Variants in AKR1B15 observed in about 807,000 individuals in gnomAD.
AKR1B15 encodes the protein estradiol 17-beta-dehydrogenase AKR1B15.
In AKR1B15, 49 loss-of-function variants were observed where a neutral mutation model predicts 38.5. That is an observed-to-expected ratio of 1.27 (90% CI 1.01 to 1.62). The LOEUF (loss-of-function observed/expected upper bound fraction) is 1.62, where lower values mean the gene tolerates loss of function less well. Among genes scored for constraint, AKR1B15 ranks in the 40% most tolerant of loss-of-function variants. AKR1B15 has a pLI of 0.00. For synonymous variants in AKR1B15, 137 were observed against 135.5 expected (o/e 1.01, Z -0.08); for missense variants, 411 against 381.6 (o/e 1.08, Z -0.64).
intron 11 of AKR1B15, 125 bp downstream of exon 11, chr7:134,577,911 T>A: frequency 1.8e-6 from 2 of 1,138,964 alleles, no homozygotes; most frequent in Non-Finnish European, 2.5e-6. Flanking sequence ...TGGGGCAGTT[T>A]TGAAAGTTAA....
At chr7:134,564,012 GACAGGCA>G (rs1194841496) in intron 2 of AKR1B15, among the ~76,000 whole-genome samples, 4 of 152,096 alleles carry the variant, frequency 2.6e-5, no homozygotes, top group African/African-American at 9.7e-5. Flanking sequence ...CGACCAACTG[GACAGGCA>G]CCTGCAACCT....
chr7:134,555,641 A>T (rs1482028669), intron 1 of AKR1B15, among the ~76,000 whole-genome samples: 1 of 152,010 alleles, frequency 6.6e-6, no homozygotes, highest in East Asian at 1.9e-4. Context: ...CCCTCCAAGG[A>T]AGTCTCTTTT....
intron 2 of AKR1B15, among the ~76,000 whole-genome samples, chr7:134,560,688 C>A (rs1794360514): frequency 6.6e-6 from 1 of 152,138 alleles, no homozygotes; most frequent in African/African-American, 2.4e-5. Flanking sequence ...TGTTAAAAAA[C>A]AAACAAAAGA....
intron 6 of AKR1B15, among the ~76,000 whole-genome samples, 155 bp from the exon 7 acceptor site, chr7:134,575,265 G>C (rs577000621): frequency 2.0e-5 from 3 of 152,112 alleles, no homozygotes; most frequent in Non-Finnish European, 2.9e-5. Context: ...TCACTGATGG[G>C]CACCCAGGCC....
chr7:134,558,154 A>G (rs1302488454), intron 2 of AKR1B15, among the ~76,000 whole-genome samples: 2 of 152,208 alleles, frequency 1.3e-5, no homozygotes, highest in Non-Finnish European at 2.9e-5. Context: ...TTATGGGTGT[A>G]TAAGAATTTA....
At chr7:134,549,390 CTCTCTCTA>C (rs1793886888) in intron 1 of AKR1B15, 141 bp downstream of exon 1, 1 of 152,258 alleles carries the variant, frequency 6.6e-6, no homozygotes, top group Non-Finnish European at 1.5e-5. Context: ...TAGTCTCTCT[CTCTCTCTA>C]TCTCTTCTCC....
chr7:134,561,405 C>G (rs1226293921), intron 2 of AKR1B15, among the ~76,000 whole-genome samples: 1 of 152,166 alleles, frequency 6.6e-6, no homozygotes. Flanking sequence ...CAGGGTTTCA[C>G]CATGTTGGCC....
chr7:134,569,756 C>G (rs1794626992), intron 5 of AKR1B15: 1 of 466,836 alleles, frequency 2.1e-6, no homozygotes, highest in Admixed American at 3.4e-5. Context: ...TATCACTTCC[C>G]CAATCAGTAC....
chr7:134,575,270 C>G (rs1424326705), intron 6 of AKR1B15, 150 bp from the exon 7 acceptor site: 1 of 1,323,118 alleles, frequency 7.6e-7, no homozygotes, highest in East Asian at 2.5e-5. Flanking sequence ...GATGGGCACC[C>G]AGGCCCTGGA....
intron 3 of AKR1B15, among the ~76,000 whole-genome samples, chr7:134,565,701 C>T (rs1246884463): frequency 6.6e-6 from 1 of 152,156 alleles, no homozygotes; most frequent in East Asian, 1.9e-4. Flanking sequence ...TTTCTTTTCT[C>T]AAAGCTGATT....
At chr7:134,555,057 A>C (rs186794273) in intron 1 of AKR1B15, among the ~76,000 whole-genome samples, 7 of 152,298 alleles carry the variant, frequency 4.6e-5, no homozygotes, top group Non-Finnish European at 8.8e-5. Flanking sequence ...TGCACCCCTT[A>C]CCAGGCTGGG....
At chr7:134,550,336 C>G (rs545638797) in intron 1 of AKR1B15, among the ~76,000 whole-genome samples, 1 of 152,288 alleles carries the variant, frequency 6.6e-6, no homozygotes, top group African/African-American at 2.4e-5. Context: ...TCCTGTGTTG[C>G]AGCAAGTCCA....
intron 3 of AKR1B15, among the ~76,000 whole-genome samples, chr7:134,566,811 G>A (rs1302855914): frequency 6.6e-6 from 1 of 152,136 alleles, no homozygotes; most frequent in Non-Finnish European, 1.5e-5. Context: ...GTCTATCTGG[G>A]CGAACAGATC....
chr7:134,561,611 G>A (rs1057179186), intron 2 of AKR1B15, among the ~76,000 whole-genome samples: 34 of 152,154 alleles, frequency 2.2e-4, no homozygotes, highest in Non-Finnish European at 4.6e-4. Flanking sequence ...TGCCTTCTAT[G>A]AGCTGTCGTA....
rs367999028 is a variant in AKR1B15 at position 134,571,662 on chromosome 7, C to A, written c.494C>A (p.Thr165Lys). ...DKGNMISGKGTFLDAWEAMEE... is the reference protein window; with the variant it reads ...DKGNMISGKGKFLDAWEAMEE... ...GGTAATATGATCAGTGGAAAAGGAA[C>A]GTTCTTGGATGCCTGGGAGGTAGGT... The change falls in exon 6 of 12, where the codon ACG becomes AAG. Residue 165 changes from threonine (T) to lysine (K), a missense_variant. Thr to Lys is a moderately conservative substitution (Grantham distance 78). Coordinates refer to ENST00000457545, the MANE Select transcript of AKR1B15 (RefSeq NM_001080538.3). 1.9e-6 allele frequency: 3 copies of A among 1,613,516 alleles called. No homozygotes were observed. Among genetic ancestry groups the A allele is most frequent in the East Asian group, 4.5e-5 (2 of 44,862 alleles).
intron 2 of AKR1B15, among the ~76,000 whole-genome samples, chr7:134,557,769 A>G (rs1017904525): frequency 3.9e-5 from 6 of 152,070 alleles, no homozygotes; most frequent in Admixed American, 3.3e-4. Flanking sequence ...GTGTAAAAAG[A>G]TGTGTAGCCC....
At position 134,568,013 on chromosome 7, in the gene AKR1B15, T is replaced by G. The variant is rs761237249; in HGVS notation, c.151-145T>G. On this transcript the variant is annotated intron_variant, in intron 3 of 11. Coordinates refer to ENST00000457545, the MANE Select transcript of AKR1B15 (RefSeq NM_001080538.3). ...TCTGGGGATAAGAGAATATGGTGGT[T>G]GCTGAGTGTGGTGTAATTCCAGCTA... 1.2e-5 allele frequency: 12 copies of G among 963,546 alleles called. No homozygotes were observed. In the African/African-American group the frequency reaches 2.0e-4, roughly 16 times the overall value. The allele number at this position is 963,546 out of a possible 1,614,324, so 59.7% of individuals were successfully genotyped here. A position where few individuals can be genotyped will look rare whatever the true frequency, so the allele number is the denominator to read the frequency against.
chr7:134,557,996 T>C (rs755273468), intron 2 of AKR1B15, among the ~76,000 whole-genome samples: 3 of 152,062 alleles, frequency 2.0e-5, no homozygotes, highest in South Asian at 2.1e-4. Context: ...TTGATAAAAA[T>C]AGGAGCTAAA....
chr7:134,573,272 C>T (rs2117665880), intron 6 of AKR1B15: 2 of 631,874 alleles, frequency 3.2e-6, no homozygotes, highest in Admixed American at 6.3e-5. Context: ...CTCAAGGGAT[C>T]CACCCGTCTC....
Sources: gnomAD v4.1 joint callset for allele counts (sites outside exome capture counted in the v4.1 genomes callset) on GRCh38, gnomAD v4.1.1 for gene constraint, MANE v1.5 for transcripts, NCBI Gene and HGNC (gene_info 2026-07-23, HGNC 2026-07-21) for gene names.